PCDHA7: variants seen among roughly 807,000 people sequenced by gnomAD.
PCDHA7 encodes protocadherin alpha-7.
A neutral mutation model predicts 57.2 loss-of-function variants in PCDHA7; 37 were observed. The observed-to-expected ratio is 0.65, with a 90% CI of 0.50 to 0.85. The LOEUF is 0.85. Ranked by LOEUF, PCDHA7 falls within the 40% of genes least tolerant of loss-of-function variation. The probability of loss-of-function intolerance (pLI) is 0.00; values close to 1 mark genes in which losing one functional copy is unlikely to be tolerated. For missense variants in PCDHA7, 1,188 were observed against 1,241.8 expected, an observed-to-expected ratio of 0.96 and a Z score of 0.65; for synonymous variants, 553 against 558.8, an observed-to-expected ratio of 0.99 and a Z score of 0.15.
At chr5:140,837,560 A>G (rs2150276693) in intron 1 of PCDHA7, among the ~76,000 whole-genome samples, 2 of 152,102 alleles carry the variant, frequency 1.3e-5, no homozygotes, top group East Asian at 1.9e-4. Context: ...AATTATATAA[A>G]TATATTTACA....
At chr5:140,853,193 T>C in intron 1 of PCDHA7, 2 of 981,640 alleles carry the variant, frequency 2.0e-6, no homozygotes, top group Non-Finnish European at 2.5e-6. Context: ...ATGTGTTCTT[T>C]ATTATTGACG....
chr5:140,923,339 A>C (rs1341190939), intron 1 of PCDHA7, among the ~76,000 whole-genome samples: 2 of 152,154 alleles, frequency 1.3e-5, no homozygotes, highest in Non-Finnish European at 2.9e-5. Context: ...CAGTTTGGGC[A>C]ACATAGTGGG....
chr5:140,846,015 G>C (rs567874372), intron 1 of PCDHA7, among the ~76,000 whole-genome samples: 1 of 149,618 alleles, frequency 6.7e-6, no homozygotes, highest in South Asian at 2.1e-4. Flanking sequence ...AAATCTAAAA[G>C]TTATTACGAG....
At chr5:140,884,416 G>A (rs1035372416) in intron 1 of PCDHA7, 22 of 1,613,888 alleles carry the variant, frequency 1.4e-5, no homozygotes, top group Non-Finnish European at 1.7e-5. Context: ...TCACGTTGCT[G>A]CTGTATACTG....
Position 140,991,900 on chromosome 5 carries a change from ATCCC to A in PCDHA7, c.2503+9339_2503+9342del, listed in dbSNP as rs576684602. Reference sequence around the variant, plus strand: ...GGCTGCCATAACAAATTAACACAAAATCCCTTTTGCCATGTAACATAACATATTC... The same window carrying A: ...GGCTGCCATAACAAATTAACACAAAATTTTGCCATGTAACATAACATATTC... On this transcript the variant is annotated intron_variant, in intron 3 of 3. Coordinates refer to ENST00000525929, the MANE Select transcript of PCDHA7 (RefSeq NM_018910.3). Among the ~76,000 whole-genome samples, 390 of 152,250 alleles carry A rather than the reference ATCCC, an allele frequency of 2.6e-3. 2 individuals carry two copies. The highest frequency in any genetic ancestry group is 4.8e-3 in the South Asian group (23 of 4,818).
rs1382247797 is a variant in PCDHA7 at position 141,012,282 on chromosome 5, C to T, written c.*2345C>T. 2.6e-5 allele frequency: 4 copies of T among 153,718 alleles called. No individual in the cohort carries two copies. Among genetic ancestry groups the T allele is most frequent in the Non-Finnish European group, 4.4e-5 (3 of 68,036 alleles). 9.5% of individuals were successfully genotyped at this position (153,718 alleles called of 1,614,324 possible). Reference sequence around the variant, plus strand: ...AAGGATAAAACACGTCATGTGGATTCATTTTGAATTGGTGCTATTGGTATT... The same window carrying T: ...AAGGATAAAACACGTCATGTGGATTTATTTTGAATTGGTGCTATTGGTATT... On this transcript the variant is annotated 3_prime_UTR_variant, in exon 4 of 4. Coordinates refer to ENST00000525929, the MANE Select transcript of PCDHA7 (RefSeq NM_018910.3).
chr5:140,863,770 G>A (rs953823411), intron 1 of PCDHA7: 6 of 240,128 alleles, frequency 2.5e-5, no homozygotes, highest in Non-Finnish European at 4.1e-5. Context: ...AAGCCGAGGC[G>A]GGCGGATCAC....
At chr5:140,958,953 T>A (rs1489065015) in intron 1 of PCDHA7, among the ~76,000 whole-genome samples, 2 of 144,196 alleles carry the variant, frequency 1.4e-5, no homozygotes, top group Non-Finnish European at 3.1e-5. Flanking sequence ...ATTATATTAT[T>A]ATAATTGTTC....
rs189730532 is a variant in PCDHA7, at chr5:140,870,328, G to T, written c.2355+33590G>T. 1.5e-5 allele frequency: 24 copies of T among 1,614,208 alleles called. 2 individuals carry two copies. In the East Asian group the frequency reaches 4.7e-4, roughly 31 times the overall value. Reference sequence around the variant, plus strand: ...CAAGAATTACTACTCGTTGGTGCTGGACAGCGCCCTGGACCGCGAGAACGT... The same window carrying T: ...CAAGAATTACTACTCGTTGGTGCTGTACAGCGCCCTGGACCGCGAGAACGT... On this transcript the variant is annotated intron_variant, in intron 1 of 3. Transcript: ENST00000525929.
At chr5:140,967,010 C>A (rs781936791) in intron 1 of PCDHA7, 2 of 1,606,340 alleles carry the variant, frequency 1.2e-6, no homozygotes, top group Admixed American at 3.3e-5. Context: ...CATCAACCAT[C>A]TGGGTGCGCC....
intron 1 of PCDHA7, among the ~76,000 whole-genome samples, chr5:140,941,348 G>T (rs1193360429): frequency 1.7e-5 from 2 of 116,240 alleles, no homozygotes; most frequent in East Asian, 2.7e-4. Context: ...ATGGAGTCTT[G>T]CTCTGTTGCC....
intron 1 of PCDHA7, among the ~76,000 whole-genome samples, chr5:140,892,860 T>C (rs1554185404): frequency 6.6e-6 from 1 of 152,158 alleles, no homozygotes; most frequent in Non-Finnish European, 1.5e-5. Flanking sequence ...ATTCCTCCTG[T>C]GTAGCTATAA....
chr5:140,859,790 A>C (rs1023981970), intron 1 of PCDHA7: 1 of 152,502 alleles, frequency 6.6e-6, no homozygotes, highest in Non-Finnish European at 1.5e-5. Context: ...AGCTCTTAGA[A>C]ATTATAGATG....
intron 3 of PCDHA7, among the ~76,000 whole-genome samples, chr5:140,986,653 A>T (rs61089397): frequency 0.012 from 1,845 of 152,236 alleles, 43 homozygotes; most frequent in African/African-American, 0.043. Context: ...AGAGTGGGAG[A>T]TGCTCACAGT....
chr5:140,970,748 A>G (rs2096429835), intron 1 of PCDHA7, among the ~76,000 whole-genome samples: 1 of 152,130 alleles, frequency 6.6e-6, no homozygotes, highest in African/African-American at 2.4e-5. Context: ...TTTGCAATAT[A>G]TTTTCATTGA....
At chr5:140,850,247 G>C (rs2150475537) in intron 1 of PCDHA7, 3 of 1,593,682 alleles carry the variant, frequency 1.9e-6, no homozygotes, top group Middle Eastern at 2.3e-4. Context: ...TGCTGCGGTC[G>C]GTGGGCGCCG....
intron 1 of PCDHA7, among the ~76,000 whole-genome samples, chr5:140,847,260 T>G (rs1285482056): frequency 6.7e-6 from 1 of 149,726 alleles, no homozygotes; most frequent in Non-Finnish European, 1.5e-5. Context: ...TCACGACTTT[T>G]GAAAGAAGGT....
intron 1 of PCDHA7, among the ~76,000 whole-genome samples, chr5:140,956,370 A>G (rs1229960310): frequency 6.6e-6 from 1 of 152,152 alleles, no homozygotes; most frequent in East Asian, 1.9e-4. Context: ...GGGATGTTGA[A>G]TTTTATCGAA....
intron 1 of PCDHA7, among the ~76,000 whole-genome samples, chr5:140,840,861 A>G (rs1776915355): frequency 6.6e-6 from 1 of 152,012 alleles, no homozygotes; most frequent in African/African-American, 2.4e-5. Flanking sequence ...ACACGAAACT[A>G]TGGAGGACAG....
Sources: gnomAD v4.1 joint callset for allele counts (sites outside exome capture counted in the v4.1 genomes callset) on GRCh38, gnomAD v4.1.1 for gene constraint, MANE v1.5 for transcripts, NCBI Gene and HGNC (gene_info 2026-07-23, HGNC 2026-07-21) for gene names.